Variants in RAPGEF4 observed in about 807,000 individuals in gnomAD.
RAPGEF4 encodes the protein Rap guanine nucleotide exchange factor 4.
RAPGEF4 carries 66 observed loss-of-function variants against 147.9 expected under a neutral mutation model. The ratio of observed to expected loss-of-function variants is 0.45; its 90% confidence interval spans 0.37 to 0.55. RAPGEF4 has a LOEUF of 0.55. Ranked by LOEUF, RAPGEF4 falls within the 20% of genes least tolerant of loss-of-function variation. RAPGEF4 has a pLI of 0.00. For synonymous variants in RAPGEF4, 419 were observed against 442.7 expected (o/e 0.95, Z 0.67); for missense variants, 1,071 against 1,257.3 (o/e 0.85, Z 2.24).
chr2:173,036,870 T>C (rs1408899131), intron 29 of RAPGEF4, 178 bp downstream of exon 29: 4 of 504,596 alleles, frequency 7.9e-6, no homozygotes, highest in Non-Finnish European at 1.4e-5. Flanking sequence ...AGTTCTCTTT[T>C]GTGAAATTGA....
At chr2:172,926,088 A>C (rs1222523714) in intron 6 of RAPGEF4, among the ~76,000 whole-genome samples, 3 of 150,472 alleles carry the variant, frequency 2.0e-5, no homozygotes, top group African/African-American at 7.4e-5. Flanking sequence ...GACAGGAAGG[A>C]AAGAAGGAAA....
At chr2:172,894,419 T>G (rs2149920910) in intron 4 of RAPGEF4, 1 of 152,348 alleles carries the variant, frequency 6.6e-6, no homozygotes, top group Admixed American at 6.5e-5. Context: ...AATTTTAAAC[T>G]CCCTTTCATT....
intron 4 of RAPGEF4, among the ~76,000 whole-genome samples, chr2:172,846,358 G>T (rs1692190614): frequency 6.6e-6 from 1 of 152,126 alleles, no homozygotes; most frequent in South Asian, 2.1e-4. Flanking sequence ...CTTGCATCTG[G>T]CTCCTTTCCC....
At chr2:172,923,210 C>G (rs367949595) in intron 6 of RAPGEF4, among the ~76,000 whole-genome samples, 5 of 152,152 alleles carry the variant, frequency 3.3e-5, no homozygotes, top group African/African-American at 1.2e-4. Context: ...TTTAAAAGGA[C>G]TGGTTGGGAA....
intron 4 of RAPGEF4, among the ~76,000 whole-genome samples, chr2:172,883,627 A>C (rs1696859463): frequency 6.6e-6 from 1 of 152,194 alleles, no homozygotes; most frequent in Admixed American, 6.5e-5. Context: ...ATTTTTAAAA[A>C]TTCTGCTAGG....
At chr2:172,779,367 T>C (rs1024436348) in intron 1 of RAPGEF4, among the ~76,000 whole-genome samples, 11 of 152,324 alleles carry the variant, frequency 7.2e-5, no homozygotes, top group African/African-American at 2.2e-4. Context: ...AGAGTTTTGC[T>C]CTGCCTTACA....
intron 4 of RAPGEF4, among the ~76,000 whole-genome samples, chr2:172,819,804 A>G (rs887565325): frequency 6.6e-6 from 1 of 152,004 alleles, no homozygotes; most frequent in Non-Finnish European, 1.5e-5. Context: ...TACAATTTAA[A>G]CTCTTTGACA....
rs188324294 is a variant in RAPGEF4 at position 172,821,489 on chromosome 2, C to T, written c.444+7064C>T. The T allele has an allele frequency of 2.2e-4, 170 of 775,102 alleles. 2 individuals are homozygous for T. The East Asian group carries it at 0.015, about 70-fold the overall frequency. The allele number at this position is 775,102 out of a possible 1,614,324, so 48.0% of individuals were successfully genotyped here. On this transcript the variant is annotated intron_variant, in intron 4 of 30. Coordinates refer to ENST00000397081, the MANE Select transcript of RAPGEF4 (RefSeq NM_007023.4). ...CATCAAAGGACTAAGAAAAATATATCCAAAAATAAACATGAAAGCCAAGAC... is the reference window on the plus strand; with the variant it reads ...CATCAAAGGACTAAGAAAAATATATTCAAAAATAAACATGAAAGCCAAGAC...
intron 28 of RAPGEF4, 84 bp from the exon 29 acceptor site, chr2:173,036,544 A>G (rs1684036559): frequency 3.8e-6 from 4 of 1,061,394 alleles, no homozygotes; most frequent in Non-Finnish European, 5.6e-6. Context: ...CAAATCTGCC[A>G]GCATAATCTA....
rs1013475520 is a variant in RAPGEF4, at chr2:172,889,748, A to G, written c.445-28054A>G. 4 of 808,610 alleles carry G rather than the reference A, an allele frequency of 4.9e-6. No individual in the cohort carries two copies. The African/African-American group carries it at 7.5e-5, about 15-fold the overall frequency. The allele number at this position is 808,610 out of a possible 1,614,324, so 50.1% of individuals were successfully genotyped here. On this transcript the variant is annotated intron_variant, in intron 4 of 30. Coordinates refer to ENST00000397081, the MANE Select transcript of RAPGEF4 (RefSeq NM_007023.4). ...TCTGATTTGTTACTTTCAAATGTCA[A>G]TCAGCAAGGAAAATTTTAAAAATAT...
intron 4 of RAPGEF4, chr2:172,821,951 A>C: frequency 6.2e-7 from 1 of 1,613,540 alleles, no homozygotes; most frequent in Non-Finnish European, 8.5e-7. Context: ...TGAGAGACCG[A>C]AAAAGAAGGA....
chr2:172,884,969 T>TA (rs1251976765), intron 4 of RAPGEF4, among the ~76,000 whole-genome samples: 2 of 152,258 alleles, frequency 1.3e-5, no homozygotes, highest in Non-Finnish European at 2.9e-5. Flanking sequence ...ACCCTTGGCC[T>TA]ATGCCTGGGT....
At chr2:173,013,622 A>G (rs1695229414) in intron 17 of RAPGEF4, among the ~76,000 whole-genome samples, 1 of 152,222 alleles carries the variant, frequency 6.6e-6, no homozygotes, top group Non-Finnish European at 1.5e-5. Context: ...AGAGCATACA[A>G]GAATGGACCA....
intron 4 of RAPGEF4, among the ~76,000 whole-genome samples, chr2:172,878,428 A>C (rs1012164284): frequency 2.0e-5 from 3 of 152,212 alleles, no homozygotes; most frequent in African/African-American, 7.2e-5. Flanking sequence ...GTTCATTTCT[A>C]GGAAGGACTA....
At chr2:172,966,607 C>T (rs559725891) in intron 9 of RAPGEF4, among the ~76,000 whole-genome samples, 23 of 152,212 alleles carry the variant, frequency 1.5e-4, no homozygotes, top group Admixed American at 4.6e-4. Flanking sequence ...TTCTGAGCCA[C>T]GTTCATTGTC....
At chr2:172,887,554 C>T (rs1409044886) in intron 4 of RAPGEF4, among the ~76,000 whole-genome samples, 5 of 152,110 alleles carry the variant, frequency 3.3e-5, no homozygotes, top group Non-Finnish European at 7.3e-5. Flanking sequence ...CAGCCACACT[C>T]GTTTATTCAT....
intron 17 of RAPGEF4, among the ~76,000 whole-genome samples, chr2:173,011,162 G>GCA (rs760933901): frequency 0.091 from 6,824 of 74,702 alleles, 211 homozygotes; most frequent in Non-Finnish European, 0.12. Context: ...GAACTTCAGC[G>GCA]CGCGCGCGCA....
intron 4 of RAPGEF4, chr2:172,822,032 C>T: frequency 6.3e-7 from 1 of 1,584,258 alleles, no homozygotes; most frequent in Admixed American, 1.7e-5. Context: ...GGAAATACTA[C>T]ATGTTACTGT....
At chr2:172,758,964 A>G (rs1357290406) in intron 1 of RAPGEF4, among the ~76,000 whole-genome samples, 1 of 152,118 alleles carries the variant, frequency 6.6e-6, no homozygotes, top group Non-Finnish European at 1.5e-5. Context: ...TCAGAAGGAA[A>G]GAGAGTAACT....
Sources: gnomAD v4.1 joint callset for allele counts (sites outside exome capture counted in the v4.1 genomes callset) on GRCh38, gnomAD v4.1.1 for gene constraint, MANE v1.5 for transcripts, NCBI Gene and HGNC (gene_info 2026-07-23, HGNC 2026-07-21) for gene names.